Variants in TCF24 observed in about 807,000 individuals in gnomAD.
TCF24 encodes the protein transcription factor 24.
Under a neutral mutation model 9.3 loss-of-function variants are expected in TCF24, and 5 were observed. The observed-to-expected ratio is 0.54, with a 90% CI of 0.28 to 1.13. The LOEUF (loss-of-function observed/expected upper bound fraction) is 1.13. Ranked by LOEUF, TCF24 falls within the 50% of genes most tolerant of loss-of-function variation. The pLI, the probability that TCF24 is intolerant of heterozygous loss-of-function variation, is 0.09. For missense variants in TCF24, 220 were observed against 236.1 expected (o/e 0.93, Z 0.45); for synonymous variants, 110 against 115.8 (o/e 0.95, Z 0.32).
intron 3 of TCF24, among the ~76,000 whole-genome samples, chr8:66,959,167 T>TTA (rs545108426): frequency 1.3e-5 from 2 of 152,206 alleles, no homozygotes; most frequent in South Asian, 4.1e-4. Flanking sequence ...TGAAATGCTC[T>TTA]TAAAGTAAAT....
chr8:66,954,818 C>G (rs1257377109), intron 3 of TCF24, among the ~76,000 whole-genome samples: 1 of 152,236 alleles, frequency 6.6e-6, no homozygotes, highest in Non-Finnish European at 1.5e-5. Context: ...TTAAGCCGGT[C>G]CGAAAAGCGC....
rs1431940061 is a variant in TCF24 at position 66,947,861 on chromosome 8, T to C, written c.*190A>G. 2 of 478,766 alleles carry C rather than the reference T, an allele frequency of 4.2e-6. No individual in the cohort carries two copies. The highest frequency in any genetic ancestry group is 1.9e-5 in the African/African-American group (1 of 51,752). The allele number at this position is 478,766 out of a possible 1,614,324, so 29.7% of individuals were successfully genotyped here. A position where few individuals can be genotyped will look rare whatever the true frequency, so the allele number is the denominator to read the frequency against. On this transcript the variant is annotated 3_prime_UTR_variant, in exon 4 of 4. Coordinates refer to ENST00000563496, the MANE Select transcript of TCF24 (RefSeq NM_001193502.2). The stretch of plus-strand genomic sequence containing the variant: ...AGTAGTGACTCTCACACTGAACAGA[T>C]AAGCTGTGTGTTTTATATAACACTG...
chr8:66,961,370 G>A lies in TCF24; in HGVS notation c.390+6C>T, dbSNP rs1024513679. The stretch of plus-strand genomic sequence containing the variant: ...CCCAGCCCCGCGGTGCGCCCCGCCC[G>A]CTTACCTTGACCGGGTGCAGGTAGC... On this transcript the variant is annotated splice_donor_region_variant and intron_variant, in intron 3 of 3. Transcript: ENST00000563496. 1.7e-5 allele frequency: 25 copies of A among 1,472,984 alleles called. No homozygotes were observed. The highest frequency in any genetic ancestry group is 2.1e-5 in the Non-Finnish European group (24 of 1,118,920). The allele number at this position is 1,472,984 out of a possible 1,614,324, so 91.2% of individuals were successfully genotyped here. A position where few individuals can be genotyped will look rare whatever the true frequency, so the allele number is the denominator to read the frequency against.
At chr8:66,951,055 C>T (rs1234277147) in intron 3 of TCF24, among the ~76,000 whole-genome samples, 1 of 147,054 alleles carries the variant, frequency 6.8e-6, no homozygotes, top group African/African-American at 2.5e-5. Flanking sequence ...AATTTGACTT[C>T]CTCTTTTCCT....
Position 66,947,881 on chromosome 8 carries a change from A to G in TCF24, c.*170T>C, listed in dbSNP as rs1464971629. ...ACAGATAAGCTGTGTGTTTTATATA[A>G]CACTGATTATTTCATTCCACATTTA... On this transcript the variant is annotated 3_prime_UTR_variant, in exon 4 of 4. Coordinates refer to ENST00000563496, the MANE Select transcript of TCF24 (RefSeq NM_001193502.2). The G allele has an allele frequency of 3.8e-6, 2 of 527,584 alleles. No individual in the cohort carries two copies. Among genetic ancestry groups the G allele is most frequent in the Non-Finnish European group, 6.6e-6 (2 of 301,442 alleles). The allele number at this position is 527,584 out of a possible 1,614,324, so 32.7% of individuals were successfully genotyped here. A position where few individuals can be genotyped will look rare whatever the true frequency, so the allele number is the denominator to read the frequency against.
In TCF24 at chr8:66,961,887, A is replaced by G; in HGVS notation, c.-34T>C. On this transcript the variant is annotated 5_prime_UTR_variant, in exon 2 of 4. Transcript: ENST00000563496. ...TCCCCGTGCGCCCACCAGCAGCCCAACGGGGCTAAGGGCGCTCTCAAGCGA... is the reference window on the plus strand; with the variant it reads ...TCCCCGTGCGCCCACCAGCAGCCCAGCGGGGCTAAGGGCGCTCTCAAGCGA... 1 of 876,644 alleles carries G rather than the reference A, an allele frequency of 1.1e-6. No individual in the cohort carries two copies. Among genetic ancestry groups the G allele is most frequent in the Non-Finnish European group, 1.4e-6 (1 of 725,826 alleles). 54.3% of individuals were successfully genotyped at this position (876,644 alleles called of 1,614,324 possible). A position where few individuals can be genotyped will look rare whatever the true frequency, so the allele number is the denominator to read the frequency against.
At chr8:66,952,930 T>C (rs1490644243) in intron 3 of TCF24, among the ~76,000 whole-genome samples, 1 of 128,172 alleles carries the variant, frequency 7.8e-6, no homozygotes, top group Non-Finnish European at 1.6e-5. Flanking sequence ...CTGCCTTTTT[T>C]TGTTTTCCAT....
chr8:66,962,515 G>T lies in TCF24; in HGVS notation c.-321C>A, dbSNP rs944123038. 2.0e-5 allele frequency: 3 copies of T among 152,508 alleles called. No individual in the cohort carries two copies. The highest frequency in any genetic ancestry group is 4.4e-5 in the Non-Finnish European group (3 of 68,282). 9.4% of individuals were successfully genotyped at this position (152,508 alleles called of 1,614,324 possible). ...GCGGGCGCCCCGCGGCCAGGCGTGT[G>T]TGCTCCGACCGGCTAAGGCAGGTCG... On this transcript the variant is annotated 5_prime_UTR_variant, in exon 1 of 4. Coordinates refer to ENST00000563496, the MANE Select transcript of TCF24 (RefSeq NM_001193502.2).
intron 3 of TCF24, among the ~76,000 whole-genome samples, chr8:66,955,620 C>T (rs1355962508): frequency 1.3e-5 from 2 of 152,140 alleles, no homozygotes; most frequent in East Asian, 1.9e-4. Flanking sequence ...GTTCACAACC[C>T]AAGTTGCTAA....
At chr8:66,954,144 T>G (rs1814108959) in intron 3 of TCF24, among the ~76,000 whole-genome samples, 1 of 152,274 alleles carries the variant, frequency 6.6e-6, no homozygotes, top group African/African-American at 2.4e-5. Flanking sequence ...GGTGAGGAAC[T>G]GCGTTCCTTT....
intron 3 of TCF24, among the ~76,000 whole-genome samples, chr8:66,953,124 T>C (rs1255545764): frequency 2.0e-5 from 3 of 149,298 alleles, no homozygotes; most frequent in Non-Finnish European, 3.0e-5. Context: ...ATGTGTGAAT[T>C]TGATCCTGTC....
intron 3 of TCF24, chr8:66,955,151 T>C (rs1585944219): frequency 6.6e-6 from 1 of 152,260 alleles, no homozygotes; most frequent in East Asian, 1.9e-4. Context: ...CTTTTGGTAA[T>C]CATCACATTT....
chr8:66,953,162 CGTTA>C (rs1271165981), intron 3 of TCF24, among the ~76,000 whole-genome samples: 17 of 151,324 alleles, frequency 1.1e-4, no homozygotes, highest in African/African-American at 4.1e-4. Flanking sequence ...TGATTTTGCT[CGTTA>C]GTTGATGCAG....
intron 3 of TCF24, among the ~76,000 whole-genome samples, chr8:66,953,883 C>G (rs1301096650): frequency 2.6e-5 from 4 of 151,098 alleles, no homozygotes; most frequent in Non-Finnish European, 5.9e-5. Flanking sequence ...TCCAGTTGAT[C>G]GCATTGGCTC....
Position 66,961,697 on chromosome 8 carries a change from G to C in TCF24, c.69C>G (p.Ala23=). Residue 23 remains alanine, a synonymous_variant, in exon 3 of 4, where the codon GCC becomes GCG. Transcript: ENST00000563496. ...ASAEPAPLAA[A]IRDSRPGRTG... is the part of the protein sequence containing the mutation. ...TCCGCCCGGGACGCGAGTCGCGGAT[G>C]GCGGCGGCCAGGGGCGCGGGCTCGG... 9.1e-7 allele frequency: 1 copy of C among 1,093,350 alleles called. No homozygotes were observed. The highest frequency in any genetic ancestry group is 1.1e-6 in the Non-Finnish European group (1 of 900,690). The allele number at this position is 1,093,350 out of a possible 1,614,324, so 67.7% of individuals were successfully genotyped here.
Position 66,961,367 on chromosome 8 carries a change from C to T in TCF24, c.390+9G>A, listed in dbSNP as rs1180566877. ...GGCCCCAGCCCCGCGGTGCGCCCCG[C>T]CCGCTTACCTTGACCGGGTGCAGGT... On this transcript the variant is annotated intron_variant, in intron 3 of 3. Coordinates refer to ENST00000563496, the MANE Select transcript of TCF24 (RefSeq NM_001193502.2). 2.7e-6 allele frequency: 4 copies of T among 1,464,198 alleles called. No homozygotes were observed. The Admixed American group carries it at 9.6e-5, about 35-fold the overall frequency. 90.7% of individuals were successfully genotyped at this position (1,464,198 alleles called of 1,614,324 possible). A position where few individuals can be genotyped will look rare whatever the true frequency, so the allele number is the denominator to read the frequency against.
In TCF24 at chr8:66,961,888, CG is replaced by C; in HGVS notation, c.-36del. ...CCCCGTGCGCCCACCAGCAGCCCAA[CG>C]GGGCTAAGGGCGCTCTCAAGCGAGC... is the stretch of plus-strand genomic sequence containing the variant. On this transcript the variant is annotated 5_prime_UTR_variant, in exon 2 of 4. Transcript: ENST00000563496. 3 of 862,054 alleles carry C rather than the reference CG, an allele frequency of 3.5e-6. No individual in the cohort carries two copies. The highest frequency in any genetic ancestry group is 4.2e-6 in the Non-Finnish European group (3 of 712,422). The allele number at this position is 862,054 out of a possible 1,614,324, so 53.4% of individuals were successfully genotyped here.
chr8:66,956,272 A>C (rs1814150309), intron 3 of TCF24, among the ~76,000 whole-genome samples: 1 of 151,324 alleles, frequency 6.6e-6, no homozygotes, highest in Non-Finnish European at 1.5e-5. Flanking sequence ...CAATTTTTAA[A>C]AATAATACAT....
chr8:66,950,653 T>C (rs1345925068), intron 3 of TCF24, among the ~76,000 whole-genome samples: 1 of 152,218 alleles, frequency 6.6e-6, no homozygotes, highest in African/African-American at 2.4e-5. Context: ...TTTATGGGGA[T>C]GGCACTGAAT....
Sources: allele counts gnomAD v4.1 joint callset (sites outside exome capture counted in the v4.1 genomes callset), GRCh38; gene constraint gnomAD v4.1.1; transcripts MANE v1.5; gene names NCBI Gene and HGNC (gene_info 2026-07-23, HGNC 2026-07-21).